Variants in USP10 observed in about 807,000 individuals in gnomAD.
The protein encoded by USP10 is ubiquitin carboxyl-terminal hydrolase 10.
Under a neutral mutation model 84.5 loss-of-function variants are expected in USP10, and 22 were observed. That is an observed-to-expected ratio of 0.26 (90% confidence interval 0.19 to 0.37). The LOEUF is 0.37. USP10 is among the 10% of genes least tolerant of loss of function. USP10 has a pLI of 1.00. For synonymous variants in USP10, 454 were observed against 387.6 expected, an observed-to-expected ratio of 1.17 and a Z score of -2.01; for missense variants, 1,019 against 998.9, an observed-to-expected ratio of 1.02 and a Z score of -0.27.
chr16:84,763,060 A>T lies in USP10; in HGVS notation c.1626A>T (p.Leu542=). 1 of 1,612,068 alleles carries T rather than the reference A, an allele frequency of 6.2e-7. No individual in the cohort carries two copies. Among genetic ancestry groups the T allele is most frequent in the Non-Finnish European group, 8.5e-7 (1 of 1,178,444 alleles). The part of the protein sequence containing the change: ...LNGLHEEMLN[L]KKLLSPSNEK... ...GACTTCATGAGGAAATGTTGAACCT[A>T]AAGAAGCTTCTCTCACCAAGTAATG... Residue 542 remains leucine, a synonymous_variant, in exon 9 of 14, where the codon CTA becomes CTT. Transcript: ENST00000219473.
At chr16:84,731,742 A>G (rs968611399) in intron 1 of USP10, among the ~76,000 whole-genome samples, 4 of 149,938 alleles carry the variant, frequency 2.7e-5, no homozygotes, top group African/African-American at 9.8e-5. Context: ...TTAGTAATTA[A>G]TTTCCGCGAA....
chr16:84,775,265 C>A, intron 13 of USP10, 40 bp downstream of exon 13: 1 of 1,589,642 alleles, frequency 6.3e-7, no homozygotes, highest in South Asian at 1.1e-5. Context: ...CATTAAAACA[C>A]TGATGAAGGG....
chr16:84,774,627 C>T (rs946944256), intron 12 of USP10, among the ~76,000 whole-genome samples: 11 of 151,978 alleles, frequency 7.2e-5, no homozygotes, highest in Admixed American at 2.0e-4. Flanking sequence ...CGTGCCACCA[C>T]GCCCGGGTAA....
chr16:84,726,112 A>G (rs887444679), intron 1 of USP10, among the ~76,000 whole-genome samples: 8 of 152,228 alleles, frequency 5.3e-5, no homozygotes, highest in African/African-American at 1.7e-4. Flanking sequence ...TCCTATTTCT[A>G]TCAGTCCTTT....
At chr16:84,725,376 T>C (rs1189610331) in intron 1 of USP10, among the ~76,000 whole-genome samples, 1 of 152,158 alleles carries the variant, frequency 6.6e-6, no homozygotes, top group Non-Finnish European at 1.5e-5. Context: ...TCTGATGACA[T>C]TTTCTTTTTC....
In USP10 at chr16:84,777,861, C is replaced by T. The variant is rs548065322; in HGVS notation, c.2210-1034C>T. Among the ~76,000 whole-genome samples the T allele has an allele frequency of 2.2e-4, 33 of 152,316 alleles. No individual in the cohort carries two copies. The East Asian group carries it at 4.0e-3, about 19-fold the overall frequency. On this transcript the variant is annotated intron_variant, in intron 13 of 13. Transcript: ENST00000219473. ...TTTCTTTTGTGCCACTGATGGTGGG[C>T]GCAGCTTAGCAGGCTGCCCTGTCAT...
intron 2 of USP10, among the ~76,000 whole-genome samples, chr16:84,736,245 T>G (rs1909925204): frequency 1.3e-5 from 2 of 152,368 alleles, no homozygotes; most frequent in South Asian, 4.1e-4. Flanking sequence ...TTTTCTCCGT[T>G]GTTAGGAGCT....
chr16:84,759,930 T>G lies in USP10; in HGVS notation c.1434T>G (p.Pro478=), dbSNP rs758627430. 1 of 1,614,010 alleles carries G rather than the reference T, an allele frequency of 6.2e-7. No homozygotes were observed. Among genetic ancestry groups the G allele is most frequent in the East Asian group, 2.2e-5 (1 of 44,884 alleles). ...LMNEFTNMPV[P]PKPRQALGDK... ...ATGAGTTCACTAATATGCCAGTACC[T>G]CCAAAACCCCGACAAGGTTAGTAAA... Residue 478 remains proline, a synonymous_variant, in exon 7 of 14, where the codon CCT becomes CCG. Transcript: ENST00000219473.
intron 1 of USP10, among the ~76,000 whole-genome samples, chr16:84,724,140 A>G (rs1237392065): frequency 6.6e-6 from 1 of 152,244 alleles, no homozygotes; most frequent in African/African-American, 2.4e-5. Context: ...AGGGCTATCT[A>G]TATTACCTTG....
At chr16:84,757,396 GGTGGGGGTGTGTGTGTGTGTGTGTGTGT>G (rs1326054718) in intron 4 of USP10, among the ~76,000 whole-genome samples, 1 of 127,366 alleles carries the variant, frequency 7.9e-6, no homozygotes, top group Non-Finnish European at 1.6e-5. Context: ...GAATGAGAGG[GGTGGGGGTGTGTGTGTGTGTGTGTGTGT>G]GTGTGTGTGT....
chr16:84,707,596 C>T (rs1226065464), intron 1 of USP10, among the ~76,000 whole-genome samples: 3 of 152,076 alleles, frequency 2.0e-5, no homozygotes, highest in Non-Finnish European at 4.4e-5. Flanking sequence ...ATTGAGCAAA[C>T]CTTGTTTTCA....
chr16:84,746,231 A>G (rs549774903), intron 4 of USP10, among the ~76,000 whole-genome samples: 15 of 152,372 alleles, frequency 9.8e-5, no homozygotes, highest in African/African-American at 3.4e-4. Context: ...GCTCCAAAGT[A>G]GAAACAATTC....
chr16:84,726,706 G>A (rs1481112083), intron 1 of USP10, among the ~76,000 whole-genome samples: 3 of 152,230 alleles, frequency 2.0e-5, no homozygotes, highest in South Asian at 2.1e-4. Context: ...GATGGAGGCC[G>A]GATGGGATAT....
chr16:84,708,430 G>A (rs1413869728), intron 1 of USP10, among the ~76,000 whole-genome samples: 1 of 152,154 alleles, frequency 6.6e-6, no homozygotes, highest in East Asian at 1.9e-4. Context: ...CAGCCTGGAC[G>A]AAAGAGTGAA....
At chr16:84,757,402 G>GGTGTGT (rs58812391) in intron 4 of USP10, among the ~76,000 whole-genome samples, 7 of 82,856 alleles carry the variant, frequency 8.4e-5, no homozygotes, top group South Asian at 2.8e-4. Flanking sequence ...GAGGGGTGGG[G>GGTGTGT]GTGTGTGTGT....
At chr16:84,752,163 T>G (rs1164118421) in intron 4 of USP10, among the ~76,000 whole-genome samples, 1 of 152,236 alleles carries the variant, frequency 6.6e-6, no homozygotes, top group East Asian at 1.9e-4. Flanking sequence ...GTGTCTTTTA[T>G]GAGTCATTCT....
chr16:84,770,177 C>T (rs117405502), intron 11 of USP10, among the ~76,000 whole-genome samples: 2,395 of 152,240 alleles, frequency 0.016, 26 homozygotes, highest in South Asian at 0.048. Flanking sequence ...AAAAAGGATG[C>T]TGCCAGCCGT....
rs530892516 is a variant in USP10 at position 84,760,414 on chromosome 16, G to A, written c.1554+139G>A. 7 of 700,138 alleles carry A rather than the reference G, an allele frequency of 1.0e-5. 1 individual carries two copies. In the South Asian group the frequency reaches 1.2e-4, roughly 12 times the overall value. The allele number at this position is 700,138 out of a possible 1,614,324, so 43.4% of individuals were successfully genotyped here. A position where few individuals can be genotyped will look rare whatever the true frequency, so the allele number is the denominator to read the frequency against. On this transcript the variant is annotated intron_variant, in intron 8 of 13. Transcript: ENST00000219473. ...GTAGGTTTATAAGAGTCCATTGCTT[G>A]GATGATATGGTGCACCAAGCACTGC... is the stretch of plus-strand genomic sequence containing the variant.
At chr16:84,709,267 G>A (rs746530557) in intron 1 of USP10, 3 of 152,216 alleles carry the variant, frequency 2.0e-5, no homozygotes, top group African/African-American at 4.8e-5. Flanking sequence ...TCAGAGAACC[G>A]TTCCCGTGGA....
Sources: gnomAD v4.1 joint callset for allele counts (sites outside exome capture counted in the v4.1 genomes callset) on GRCh38, gnomAD v4.1.1 for gene constraint, MANE v1.5 for transcripts, NCBI Gene and HGNC (gene_info 2026-07-23, HGNC 2026-07-21) for gene names.